The following CRISPLD2 variants were observed in gnomAD, a reference collection of about 807,000 sequenced individuals.
CRISPLD2 encodes cysteine-rich secretory protein LCCL domain-containing 2.
Under a neutral mutation model 71.1 loss-of-function variants are expected in CRISPLD2, and 47 were observed. The ratio of observed to expected loss-of-function variants is 0.66; its 90% confidence interval spans 0.52 to 0.84. The LOEUF is 0.84. CRISPLD2 is among the 40% of genes least tolerant of loss of function. CRISPLD2 has a pLI of 0.00. For synonymous variants in CRISPLD2, 317 were observed against 250.1 expected (o/e 1.27, Z -2.52); for missense variants, 830 against 651.1 (o/e 1.27, Z -2.99).
chr16:84,867,490 C>T (rs1202286083), intron 7 of CRISPLD2, among the ~76,000 whole-genome samples: 1 of 152,176 alleles, frequency 6.6e-6, no homozygotes, highest in African/African-American at 2.4e-5. Context: ...CAAGGTTGCC[C>T]GGAGGATGAG....
chr16:84,826,874 G>C (rs991277230), intron 1 of CRISPLD2, among the ~76,000 whole-genome samples: 11 of 152,204 alleles, frequency 7.2e-5, no homozygotes, highest in Non-Finnish European at 1.5e-4. Context: ...GACTCCTGAG[G>C]GAAAGGCCCC....
At chr16:84,851,717 G>C (rs1289262285) in intron 5 of CRISPLD2, among the ~76,000 whole-genome samples, 1 of 152,158 alleles carries the variant, frequency 6.6e-6, no homozygotes, top group East Asian at 1.9e-4. Flanking sequence ...GGTCCAAGGT[G>C]GTGGAATTCC....
chr16:84,859,253 G>A (rs1917320617), intron 6 of CRISPLD2, among the ~76,000 whole-genome samples: 1 of 152,014 alleles, frequency 6.6e-6, no homozygotes, highest in Non-Finnish European at 1.5e-5. Flanking sequence ...ATGAATCTAG[G>A]GACCCACTGT....
chr16:84,894,715 A>G (rs2071691157), intron 14 of CRISPLD2, among the ~76,000 whole-genome samples: 1 of 152,178 alleles, frequency 6.6e-6, no homozygotes, highest in Non-Finnish European at 1.5e-5. Context: ...TCAATAGAAA[A>G]TTATTATTAG....
At chr16:84,866,239 G>GTTTTT (rs11409128) in intron 6 of CRISPLD2, among the ~76,000 whole-genome samples, 1 of 148,288 alleles carries the variant, frequency 6.7e-6, no homozygotes, top group African/African-American at 2.5e-5. Context: ...TTGTTTTTTG[G>GTTTTT]TTTTTTTTTT....
Position 84,845,852 on chromosome 16 carries a change from C to T in CRISPLD2, c.307C>T (p.Pro103Ser). The stretch of plus-strand genomic sequence containing the variant: ...CAGTCAGTGCATCTGGGAGCACGGG[C>T]CCACCAGTCTGCTGGTGTCCATCGG... The part of the protein sequence containing the change: ...WASQCIWEHG[P>S]TSLLVSIGQN... The change falls in exon 3 of 15, where the codon CCC becomes TCC. Residue 103 changes from proline to serine, a missense_variant. By Grantham distance (74) the Pro-to-Ser change is moderately conservative. Transcript: ENST00000262424. The T allele has an allele frequency of 6.2e-7, 1 of 1,613,986 alleles. No individual in the cohort carries two copies. The highest frequency in any genetic ancestry group is 8.5e-7 in the Non-Finnish European group (1 of 1,179,906).
Position 84,889,411 on chromosome 16 carries a change from G to T in CRISPLD2, c.1439+48G>T, listed in dbSNP as rs111727529. 83 of 1,569,494 alleles carry T rather than the reference G, an allele frequency of 5.3e-5. No homozygotes were observed. In the African/African-American group the frequency reaches 8.6e-4, roughly 16 times the overall value. On this transcript the variant is annotated intron_variant, in intron 14 of 14. Coordinates refer to ENST00000262424, the MANE Select transcript of CRISPLD2 (RefSeq NM_031476.4). ...TTGACACCCAATCCCGGCTGCTAAT[G>T]GTCCCTCAGGGGGCCTGGGAAGAGG... is the stretch of plus-strand genomic sequence containing the variant.
intron 6 of CRISPLD2, among the ~76,000 whole-genome samples, chr16:84,866,581 G>T (rs929887580): frequency 1.3e-5 from 2 of 152,152 alleles, no homozygotes; most frequent in Admixed American, 1.3e-4. Context: ...AGGGTCAGGT[G>T]GAGGAGGAGA....
At chr16:84,887,164 T>C (rs2071620709) in intron 13 of CRISPLD2, among the ~76,000 whole-genome samples, 1 of 152,182 alleles carries the variant, frequency 6.6e-6, no homozygotes, top group Admixed American at 6.5e-5. Context: ...GCTCGGGTAT[T>C]GTGCAGAGGG....
At chr16:84,849,277 A>C (rs1204293042) in intron 3 of CRISPLD2, 108 bp from the exon 4 acceptor site, 6 of 1,118,954 alleles carry the variant, frequency 5.4e-6, no homozygotes, top group Middle Eastern at 2.9e-4. Context: ...ATTGGCCGCT[A>C]TTCACCCTCC....
chr16:84,900,290 G>C (rs545779908), intron 14 of CRISPLD2, among the ~76,000 whole-genome samples: 1 of 152,122 alleles, frequency 6.6e-6, no homozygotes, highest in African/African-American at 2.4e-5. Flanking sequence ...GCCTGCTCTC[G>C]GAGGATTGCA....
chr16:84,872,343 A>C (rs1265305250), intron 8 of CRISPLD2, 99 bp from the exon 9 acceptor site: 2 of 985,442 alleles, frequency 2.0e-6, no homozygotes, highest in Non-Finnish European at 1.6e-6. Flanking sequence ...GCTTTTCTAT[A>C]TTTAGTAATA....
At chr16:84,859,905 C>G (rs1164995476) in intron 6 of CRISPLD2, among the ~76,000 whole-genome samples, 3 of 152,258 alleles carry the variant, frequency 2.0e-5, no homozygotes, top group African/African-American at 4.8e-5. Flanking sequence ...AGTTGAGTGA[C>G]TGTGGTTCCC....
At chr16:84,893,355 G>C (rs2143359582) in intron 14 of CRISPLD2, among the ~76,000 whole-genome samples, 1 of 152,310 alleles carries the variant, frequency 6.6e-6, no homozygotes, top group South Asian at 2.1e-4. Context: ...TTTTCTCATA[G>C]GGTCAGGTGG....
At position 84,845,833 on chromosome 16, in the gene CRISPLD2, G is replaced by A. The variant is rs770486357; in HGVS notation, c.288G>A (p.Gln96=). ...LEKSAAAWAS[Q]CIWEHGPTSL... is the part of the protein sequence containing the mutation. ...AGTCTGCTGCAGCGTGGGCCAGTCA[G>A]TGCATCTGGGAGCACGGGCCCACCA... is the stretch of plus-strand genomic sequence containing the variant. The change falls in exon 3 of 15, where the codon CAG becomes CAA. Residue 96 remains glutamine, a synonymous_variant. Coordinates refer to ENST00000262424, the MANE Select transcript of CRISPLD2 (RefSeq NM_031476.4). 1.9e-6 allele frequency: 3 copies of A among 1,614,010 alleles called. No homozygotes were observed. The highest frequency in any genetic ancestry group is 2.5e-6 in the Non-Finnish European group (3 of 1,179,968).
chr16:84,865,484 CAA>C (rs1261529914), intron 6 of CRISPLD2, among the ~76,000 whole-genome samples: 3 of 152,200 alleles, frequency 2.0e-5, no homozygotes, highest in Non-Finnish European at 4.4e-5. Context: ...TCCAAAACCA[CAA>C]AGAGACCTGC....
chr16:84,857,485 C>T (rs1917273334), intron 6 of CRISPLD2, among the ~76,000 whole-genome samples: 1 of 152,200 alleles, frequency 6.6e-6, no homozygotes, highest in Non-Finnish European at 1.5e-5. Flanking sequence ...ACCATCCAGC[C>T]AAACCACTGG....
chr16:84,896,182 C>T (rs2071704539), intron 14 of CRISPLD2, among the ~76,000 whole-genome samples: 2 of 151,852 alleles, frequency 1.3e-5, no homozygotes, highest in Admixed American at 1.3e-4. Flanking sequence ...GGATTACAGG[C>T]ACCCGCCACC....
At chr16:84,886,776 C>A (rs991270779) in intron 13 of CRISPLD2, among the ~76,000 whole-genome samples, 3 of 152,232 alleles carry the variant, frequency 2.0e-5, no homozygotes, top group African/African-American at 7.2e-5. Context: ...GATGGTATCA[C>A]CGCACTTCAG....
Sources: gnomAD v4.1 joint callset for allele counts (sites outside exome capture counted in the v4.1 genomes callset) on GRCh38, gnomAD v4.1.1 for gene constraint, MANE v1.5 for transcripts, NCBI Gene and HGNC (gene_info 2026-07-23, HGNC 2026-07-21) for gene names.